Variants in METAP1D observed in about 807,000 individuals in gnomAD.
The protein encoded by METAP1D is methionyl aminopeptidase type 1D, mitochondrial, also known as methionine aminopeptidase 1D, mitochondrial.
A neutral mutation model predicts 40.5 loss-of-function variants in METAP1D; 31 were observed. The ratio of observed to expected loss-of-function variants is 0.77; its 90% CI spans 0.58 to 1.03. METAP1D has a LOEUF of 1.03. Among genes scored for constraint, METAP1D ranks in the 50% least tolerant of loss-of-function variants. METAP1D has a pLI of 0.00. For synonymous variants in METAP1D, 151 were observed against 146.4 expected (o/e 1.03, Z -0.22); for missense variants, 411 against 420.7 (o/e 0.98, Z 0.20).
chr2:172,079,983 A>AAC (rs1690661366), intron 8 of METAP1D, 145 bp from the exon 9 acceptor site: 1 of 674,416 alleles, frequency 1.5e-6, no homozygotes, highest in East Asian at 2.7e-5. Context: ...ATCAATTATC[A>AAC]ACCCTTGCAA....
chr2:172,045,548 C>A (rs1306349911), intron 1 of METAP1D, among the ~76,000 whole-genome samples: 12 of 148,782 alleles, frequency 8.1e-5, no homozygotes, highest in Non-Finnish European at 1.5e-4. Context: ...CTAATCCCAG[C>A]TACTCGGTAG....
chr2:172,006,598 G>A (rs1207382848), intron 1 of METAP1D, among the ~76,000 whole-genome samples: 1 of 152,230 alleles, frequency 6.6e-6, no homozygotes, highest in Non-Finnish European at 1.5e-5. Context: ...AGTACTATGT[G>A]TATGCAGAAC....
At chr2:172,069,142 C>T (rs777319646) in intron 5 of METAP1D, among the ~76,000 whole-genome samples, 1 of 152,104 alleles carries the variant, frequency 6.6e-6, no homozygotes, top group Non-Finnish European at 1.5e-5. Flanking sequence ...GTCTTAAACT[C>T]CTGGTCTCAC....
At position 172,005,351 on chromosome 2, in the gene METAP1D, G is replaced by A. The variant is rs1035021738; in HGVS notation, c.40+5342G>A. Among the ~76,000 whole-genome samples, 3 of 151,484 alleles carry A rather than the reference G, an allele frequency of 2.0e-5. No individual in the cohort carries two copies. The South Asian group carries it at 6.2e-4, about 31-fold the overall frequency. On this transcript the variant is annotated intron_variant, in intron 1 of 9. Transcript: ENST00000315796. ...TCATTATATTGCTCTGTATGTTTTT[G>A]CATCCTCATAGCTTAGCTCCCACTT...
intron 1 of METAP1D, among the ~76,000 whole-genome samples, chr2:172,010,470 TTTTCCTTC>T (rs1400011485): frequency 4.0e-5 from 6 of 148,992 alleles, no homozygotes; most frequent in East Asian, 2.0e-4. Flanking sequence ...TTAACAACTT[TTTTCCTTC>T]TTTCCTTCTT....
chr2:172,067,197 A>G (rs569199096), intron 5 of METAP1D, among the ~76,000 whole-genome samples: 4 of 152,350 alleles, frequency 2.6e-5, no homozygotes, highest in African/African-American at 9.6e-5. Context: ...AACAAAATTT[A>G]AACATCTTAG....
At chr2:172,067,027 T>C (rs368093266) in intron 5 of METAP1D, among the ~76,000 whole-genome samples, 6 of 152,232 alleles carry the variant, frequency 3.9e-5, no homozygotes, top group African/African-American at 1.4e-4. Context: ...AAGATGTAGC[T>C]TTTTCTCATT....
rs543760225 is a variant in METAP1D at position 172,050,271 on chromosome 2, A to G, written c.41-11227A>G. Reference sequence around the variant, plus strand: ...ATGCTTTAATGTAATTTAAAAATATATTAAAGCTGTGCTTTTGATCATAGA... The same window carrying G: ...ATGCTTTAATGTAATTTAAAAATATGTTAAAGCTGTGCTTTTGATCATAGA... On this transcript the variant is annotated intron_variant, in intron 1 of 9. Transcript: ENST00000315796. Among the ~76,000 whole-genome samples the G allele has an allele frequency of 5.2e-4, 79 of 152,346 alleles. 2 individuals are homozygous for G. The highest frequency in any genetic ancestry group is 1.8e-3 in the African/African-American group (76 of 41,586).
intron 6 of METAP1D, among the ~76,000 whole-genome samples, chr2:172,076,235 T>C (rs1358712542): frequency 6.6e-6 from 1 of 151,720 alleles, no homozygotes; most frequent in Non-Finnish European, 1.5e-5. Flanking sequence ...AATAGAATAG[T>C]TTATATTGAG....
At position 172,061,580 on chromosome 2, in the gene METAP1D, T is replaced by A; in HGVS notation, c.123T>A (p.Phe41Leu). Reference sequence around the variant, plus strand: ...GCAGTCAACAAAGAAGAAATTTCTTTTTTCGGAGACAAAGAGATATTTCAC... The same window carrying A: ...GCAGTCAACAAAGAAGAAATTTCTTATTTCGGAGACAAAGAGATATTTCAC... Reference protein sequence around the residue: ...QSSSQQRRNFFFRRQRDISHS... With the variant: ...QSSSQQRRNFLFRRQRDISHS... The change falls in exon 2 of 10, where the codon TTT becomes TTA. Residue 41 changes from phenylalanine (F) to leucine (L), a missense_variant. Physicochemically the swap from Phe to Leu is conservative, Grantham distance 22. Transcript: ENST00000315796. 1.2e-6 allele frequency: 2 copies of A among 1,614,004 alleles called. No individual in the cohort carries two copies. The highest frequency in any genetic ancestry group is 1.7e-6 in the Non-Finnish European group (2 of 1,179,928).
At chr2:172,059,553 A>G (rs1162819424) in intron 1 of METAP1D, among the ~76,000 whole-genome samples, 6 of 152,192 alleles carry the variant, frequency 3.9e-5, no homozygotes, top group Non-Finnish European at 7.3e-5. Flanking sequence ...CTATGGTCCA[A>G]TGAACCTTTT....
rs1022810848 is a variant in METAP1D, at chr2:172,080,529, T to C, written c.*123T>C. ...GTGCGGTAACCTGCGTGGCTCCTGA[T>C]AGCGTTTGGAAGAACGCGGGGGAGA... On this transcript the variant is annotated 3_prime_UTR_variant, in exon 10 of 10. Transcript: ENST00000315796. 3.9e-6 allele frequency: 4 copies of C among 1,031,720 alleles called. No homozygotes were observed. The African/African-American group carries it at 4.7e-5, about 12-fold the overall frequency. 63.9% of individuals were successfully genotyped at this position (1,031,720 alleles called of 1,614,324 possible).
intron 1 of METAP1D, among the ~76,000 whole-genome samples, chr2:172,022,180 C>T (rs745674784): frequency 9.7e-4 from 147 of 152,274 alleles, no homozygotes; most frequent in East Asian, 7.7e-4. Context: ...CCACCCTGCC[C>T]CCATGCAGAC....
intron 1 of METAP1D, among the ~76,000 whole-genome samples, chr2:172,017,679 GA>G (rs544627282): frequency 2.0e-5 from 3 of 150,024 alleles, no homozygotes; most frequent in African/African-American, 4.9e-5. Flanking sequence ...ATTTAATAGA[GA>G]AAAAAAAATG....
intron 1 of METAP1D, among the ~76,000 whole-genome samples, chr2:172,010,605 G>A (rs1162905738): frequency 6.8e-6 from 1 of 146,866 alleles, no homozygotes; most frequent in Non-Finnish European, 1.5e-5. Context: ...TGATTCTCCT[G>A]CCTCAGCCCC....
At chr2:172,023,112 C>G (rs1327680579) in intron 1 of METAP1D, among the ~76,000 whole-genome samples, 1 of 152,134 alleles carries the variant, frequency 6.6e-6, no homozygotes, top group African/African-American at 2.4e-5. Flanking sequence ...CGCTTGAACC[C>G]AGGAGGCGGA....
chr2:172,002,082 ACTTT>A (rs2105366405), intron 1 of METAP1D, among the ~76,000 whole-genome samples: 1 of 151,920 alleles, frequency 6.6e-6, no homozygotes, highest in South Asian at 2.1e-4. Flanking sequence ...TCCAGTCCAA[ACTTT>A]CTTTACTAAT....
intron 6 of METAP1D, among the ~76,000 whole-genome samples, chr2:172,076,344 A>G (rs1048814306): frequency 6.6e-6 from 1 of 151,976 alleles, no homozygotes; most frequent in Non-Finnish European, 1.5e-5. Flanking sequence ...CTAGATTATT[A>G]TGTCCTATTT....
chr2:172,018,378 G>T (rs1189777395), intron 1 of METAP1D, among the ~76,000 whole-genome samples: 1 of 152,134 alleles, frequency 6.6e-6, no homozygotes, highest in Non-Finnish European at 1.5e-5. Context: ...ATAATAGGAA[G>T]TAAATGGCAG....
Sources: allele counts gnomAD v4.1 joint callset (sites outside exome capture counted in the v4.1 genomes callset), GRCh38; gene constraint gnomAD v4.1.1; transcripts MANE v1.5; gene names NCBI Gene and HGNC (gene_info 2026-07-23, HGNC 2026-07-21).